The following LRP11 variants were observed in gnomAD, a reference collection of about 807,000 sequenced individuals.
The protein encoded by LRP11 is low-density lipoprotein receptor-related protein 11.
LRP11 carries 25 observed loss-of-function variants against 43.1 expected under a neutral mutation model. The observed-to-expected ratio is 0.58, with a 90% confidence interval of 0.42 to 0.81. The LOEUF is 0.81. Among genes scored for constraint, LRP11 ranks in the 30% least tolerant of loss-of-function variants. The probability of loss-of-function intolerance (pLI) is 0.00; values close to 1 mark genes in which losing one functional copy is unlikely to be tolerated. For synonymous variants in LRP11, 316 were observed against 299.4 expected (o/e 1.06, Z -0.57); for missense variants, 623 against 665.1 (o/e 0.94, Z 0.70).
chr6:149,842,639 T>C (rs1257410427), intron 3 of LRP11: 11 of 1,550,914 alleles, frequency 7.1e-6, no homozygotes, highest in Middle Eastern at 3.3e-4. Context: ...ACTCCTTAGC[T>C]TCCCTCTTGG....
intron 1 of LRP11, among the ~76,000 whole-genome samples, chr6:149,861,972 CTT>C (rs940458201): frequency 1.3e-4 from 20 of 152,286 alleles, no homozygotes; most frequent in Non-Finnish European, 2.4e-4. Flanking sequence ...AGAGAAAAGA[CTT>C]TGTTTCTTTG....
chr6:149,864,023 C>G lies in LRP11; in HGVS notation c.-3G>C. 7.5e-7 allele frequency: 1 copy of G among 1,333,540 alleles called. No individual in the cohort carries two copies. The highest frequency in any genetic ancestry group is 9.5e-7 in the Non-Finnish European group (1 of 1,050,760). The allele number at this position is 1,333,540 out of a possible 1,614,324, so 82.6% of individuals were successfully genotyped here. ...CTCTCCTGGGCGACGGAGGCCATGG[C>G]GACGAGAGCCAAGGGCAGCGAGCCG... On this transcript the variant is annotated 5_prime_UTR_variant, in exon 1 of 7. Coordinates refer to ENST00000239367, the MANE Select transcript of LRP11 (RefSeq NM_032832.6).
chr6:149,825,810 G>A (rs989750627), intron 6 of LRP11, among the ~76,000 whole-genome samples: 1 of 152,044 alleles, frequency 6.6e-6, no homozygotes, highest in Non-Finnish European at 1.5e-5. Flanking sequence ...CACCACACTT[G>A]GCTAATTTTT....
Position 149,863,459 on chromosome 6 carries a change from G to A in LRP11, c.562C>T (p.Arg188Cys), listed in dbSNP as rs1776968030. 1.5e-6 allele frequency: 2 copies of A among 1,332,614 alleles called. No homozygotes were observed. The highest frequency in any genetic ancestry group is 1.9e-6 in the Non-Finnish European group (2 of 1,050,174). 82.5% of individuals were successfully genotyped at this position (1,332,614 alleles called of 1,614,324 possible). The change falls in exon 1 of 7, where the codon CGC becomes TGC. Residue 188 changes from arginine to cysteine, a missense_variant. Transcript: ENST00000239367. The part of the protein sequence containing the change: ...HSGYSSYSLS[R>C]APDGAALATA... ...GCCAGGGCGGCGCCGTCCGGCGCGC[G>A]GCTGAGGCTGTAGCTGCTGTAGCCG...
At chr6:149,838,279 A>G (rs1776499122) in intron 3 of LRP11, among the ~76,000 whole-genome samples, 1 of 151,944 alleles carries the variant, frequency 6.6e-6, no homozygotes, top group Non-Finnish European at 1.5e-5. Flanking sequence ...AATACTTTTC[A>G]CTGAGATTAA....
At chr6:149,833,173 A>G (rs1776431327) in intron 5 of LRP11, among the ~76,000 whole-genome samples, 2 of 151,340 alleles carry the variant, frequency 1.3e-5, no homozygotes, top group South Asian at 4.2e-4. Context: ...TCCTGACCTC[A>G]TGATCCGCCC....
chr6:149,821,780 AGAG>A (rs1353832552), intron 6 of LRP11, among the ~76,000 whole-genome samples: 1 of 152,244 alleles, frequency 6.6e-6, no homozygotes. Flanking sequence ...TGGTAGAACT[AGAG>A]GAGAAACATC....
intron 3 of LRP11, among the ~76,000 whole-genome samples, chr6:149,839,974 C>T (rs1302663926): frequency 6.6e-6 from 1 of 152,182 alleles, no homozygotes; most frequent in African/African-American, 2.4e-5. Context: ...TCTTGAACAA[C>T]TCAGGGGCAT....
At position 149,826,192 on chromosome 6, in the gene LRP11, T is replaced by C. The variant is rs768252456; in HGVS notation, c.1348+72A>G. 7 of 1,145,700 alleles carry C rather than the reference T, an allele frequency of 6.1e-6. No homozygotes were observed. In the East Asian group the frequency reaches 1.6e-4, roughly 27 times the overall value. 71.0% of individuals were successfully genotyped at this position (1,145,700 alleles called of 1,614,324 possible). A position where few individuals can be genotyped will look rare whatever the true frequency, so the allele number is the denominator to read the frequency against. ...CCTGAGCTCTCATGGCCTCAGGGAA[T>C]ATCCTCAGCCAGAGGGCATGCAGTT... On this transcript the variant is annotated intron_variant, in intron 6 of 6. Coordinates refer to ENST00000239367, the MANE Select transcript of LRP11 (RefSeq NM_032832.6).
chr6:149,863,816 C>A lies in LRP11; in HGVS notation c.205G>T (p.Glu69Ter). 1 of 1,507,642 alleles carries A rather than the reference C, an allele frequency of 6.6e-7. No homozygotes were observed. Among genetic ancestry groups the A allele is most frequent in the Admixed American group, 2.0e-5 (1 of 49,200 alleles). 93.4% of individuals were successfully genotyped at this position (1,507,642 alleles called of 1,614,324 possible). A position where few individuals can be genotyped will look rare whatever the true frequency, so the allele number is the denominator to read the frequency against. ...AGCTCCAGCTCCTCCTGAGGCCGCTCCTGCTGCAGTTGCCGGCGGAACTCC... is the reference window on the plus strand; with the variant it reads ...AGCTCCAGCTCCTCCTGAGGCCGCTACTGCTGCAGTTGCCGGCGGAACTCC... ...LEEFRRQLQQ[E>*]RPQEELELEL... Residue 69 changes from glutamate (E) to a stop codon, truncating the protein, a stop_gained, in exon 1 of 7, where the codon GAG (glutamate) becomes TAG (stop). Transcript: ENST00000239367. LOFTEE classifies it high-confidence loss of function.
At chr6:149,856,476 C>A (rs1044568418) in intron 1 of LRP11, among the ~76,000 whole-genome samples, 1 of 152,128 alleles carries the variant, frequency 6.6e-6, no homozygotes, top group Non-Finnish European at 1.5e-5. Flanking sequence ...GCTTATCTAC[C>A]CAGAAACAGT....
chr6:149,831,249 G>A (rs1382594859), intron 5 of LRP11, among the ~76,000 whole-genome samples: 2 of 152,260 alleles, frequency 1.3e-5, no homozygotes, highest in Non-Finnish European at 2.9e-5. Context: ...CTGCCATAGA[G>A]CATGCAGGCA....
At chr6:149,859,283 C>T (rs757413167) in intron 1 of LRP11, among the ~76,000 whole-genome samples, 6 of 149,920 alleles carry the variant, frequency 4.0e-5, no homozygotes, top group Non-Finnish European at 8.9e-5. Context: ...ATTCTAAGGT[C>T]GAACATTTTT....
chr6:149,829,605 A>G (rs1776383511), intron 5 of LRP11, among the ~76,000 whole-genome samples: 1 of 151,908 alleles, frequency 6.6e-6, no homozygotes, highest in African/African-American at 2.4e-5. Context: ...AAATAAAATT[A>G]AAAATGAGCC....
At chr6:149,856,266 C>T (rs1776797554) in intron 1 of LRP11, among the ~76,000 whole-genome samples, 1 of 152,114 alleles carries the variant, frequency 6.6e-6, no homozygotes, top group South Asian at 2.1e-4. Flanking sequence ...ATTAATTAAT[C>T]CTACCTCTCC....
intron 5 of LRP11, among the ~76,000 whole-genome samples, chr6:149,826,959 A>G (rs1382522125): frequency 7.0e-6 from 1 of 142,084 alleles, no homozygotes; most frequent in Middle Eastern, 3.3e-3. Flanking sequence ...GGGGGAAATT[A>G]TTATTATTTA....
At chr6:149,831,289 A>G (rs1776405325) in intron 5 of LRP11, among the ~76,000 whole-genome samples, 1 of 152,246 alleles carries the variant, frequency 6.6e-6, no homozygotes, top group Non-Finnish European at 1.5e-5. Flanking sequence ...TAACATGCCC[A>G]GGAATTCTCA....
In LRP11 at chr6:149,863,981, G is replaced by A; in HGVS notation, c.40C>T (p.Arg14Trp). ...VAQESAGSQR[R>W]LPPRHGALRG... ...AGCGCCCCGTGACGCGGCGGTAGCC[G>A]GCGCTGCGAGCCCGCGCTCTCCTGG... Residue 14 changes from arginine to tryptophan, a missense_variant, in exon 1 of 7, where the codon CGG (arginine) becomes TGG (tryptophan). Physicochemically the swap from Arg to Trp is moderately radical, Grantham distance 101 (BLOSUM62 -3). Coordinates refer to ENST00000239367, the MANE Select transcript of LRP11 (RefSeq NM_032832.6). 7.1e-7 allele frequency: 1 copy of A among 1,407,698 alleles called. No homozygotes were observed. Among genetic ancestry groups the A allele is most frequent in the South Asian group, 1.5e-5 (1 of 66,292 alleles). 87.2% of individuals were successfully genotyped at this position (1,407,698 alleles called of 1,614,324 possible).
intron 2 of LRP11, among the ~76,000 whole-genome samples, chr6:149,845,561 C>A (rs910430140): frequency 6.6e-6 from 1 of 152,150 alleles, no homozygotes; most frequent in East Asian, 1.9e-4. Flanking sequence ...TGACAGAATG[C>A]CAAACGGGTC....
Sources: gnomAD v4.1 joint callset for allele counts (sites outside exome capture counted in the v4.1 genomes callset) on GRCh38, gnomAD v4.1.1 for gene constraint, MANE v1.5 for transcripts, NCBI Gene and HGNC (gene_info 2026-07-23, HGNC 2026-07-21) for gene names.